The following PAPPA2 variants were observed in gnomAD, a reference collection of about 807,000 sequenced individuals.
PAPPA2 encodes the protein pappalysin-2.
PAPPA2 carries 86 observed loss-of-function variants against 176.4 expected under a neutral mutation model. That is an observed-to-expected ratio of 0.49 (90% confidence interval 0.41 to 0.58). PAPPA2 has a LOEUF of 0.58. Among genes scored for constraint, PAPPA2 ranks in the 20% least tolerant of loss-of-function variants. The pLI is 0.00. For synonymous variants in PAPPA2, 809 were observed against 852.2 expected (o/e 0.95, Z 0.88); for missense variants, 2,073 against 2,256.9 (o/e 0.92, Z 1.65).
chr1:176,620,865 T>G (rs1302084147), intron 3 of PAPPA2, among the ~76,000 whole-genome samples: 1 of 152,206 alleles, frequency 6.6e-6, no homozygotes, highest in African/African-American at 2.4e-5. Context: ...AGATAAATAT[T>G]ACTTGATTTC....
At position 176,721,884 on chromosome 1, in the gene PAPPA2, CT is replaced by C. The variant is rs922753760; in HGVS notation, c.3798+9910del. Among the ~76,000 whole-genome samples, 7 of 151,756 alleles carry C rather than the reference CT, an allele frequency of 4.6e-5. No individual in the cohort carries two copies. In the East Asian group the frequency reaches 5.8e-4, roughly 13 times the overall value. The stretch of plus-strand genomic sequence containing the variant: ...GTTGCCAAATATACATACATTACAC[CT>C]TTTTTTGTGTATCTTTTTAACTTTT... On this transcript the variant is annotated intron_variant, in intron 12 of 22. Coordinates refer to ENST00000367662, the MANE Select transcript of PAPPA2 (RefSeq NM_020318.3).
chr1:176,670,301 G>C (rs1002496922), intron 3 of PAPPA2, among the ~76,000 whole-genome samples: 5 of 152,112 alleles, frequency 3.3e-5, no homozygotes, highest in African/African-American at 7.2e-5. Context: ...ATTTCCTAGT[G>C]CTTTCAAAGT....
intron 1 of PAPPA2, among the ~76,000 whole-genome samples, chr1:176,466,838 A>C (rs1651643729): frequency 6.6e-6 from 1 of 152,170 alleles, no homozygotes; most frequent in African/African-American, 2.4e-5. Context: ...AGGGAGAAAA[A>C]GAGTTTCCAG....
intron 2 of PAPPA2, among the ~76,000 whole-genome samples, chr1:176,592,202 A>T (rs1242356781): frequency 6.6e-6 from 1 of 152,202 alleles, no homozygotes; most frequent in African/African-American, 2.4e-5. Context: ...AGTATGAACA[A>T]TGGTAACAAA....
intron 1 of PAPPA2, among the ~76,000 whole-genome samples, chr1:176,504,047 A>G (rs147091255): frequency 9.7e-4 from 147 of 152,246 alleles, no homozygotes; most frequent in African/African-American, 3.4e-3. Context: ...GGAAACTATG[A>G]AGAACTTCCT....
At chr1:176,711,609 G>T (rs879203553) in intron 11 of PAPPA2, among the ~76,000 whole-genome samples, 2 of 152,156 alleles carry the variant, frequency 1.3e-5, no homozygotes, top group Non-Finnish European at 2.9e-5. Context: ...CCCCTGGGCC[G>T]ATGATAAACG....
In PAPPA2 at chr1:176,692,166, C is replaced by G. The variant is rs773129615; in HGVS notation, c.2472C>G (p.Ala824=). ...ACAACTTCACTCCTAACCAAGTGGC[C>G]CGAATGCATTGCTATTTGGACCTAG... ...CTDNFTPNQV[A]RMHCYLDLVY... is the part of the protein sequence containing the mutation. Residue 824 remains alanine, a synonymous_variant, in exon 6 of 23, where the codon GCC becomes GCG. Coordinates refer to ENST00000367662, the MANE Select transcript of PAPPA2 (RefSeq NM_020318.3). 6.2e-7 allele frequency: 1 copy of G among 1,613,830 alleles called. No homozygotes were observed. The highest frequency in any genetic ancestry group is 1.3e-5 in the African/African-American group (1 of 74,868).
chr1:176,476,946 G>A (rs1652155687), intron 1 of PAPPA2, among the ~76,000 whole-genome samples: 2 of 152,124 alleles, frequency 1.3e-5, no homozygotes, highest in Admixed American at 1.3e-4. Context: ...ATGCCATGTT[G>A]GTGAGACACC....
chr1:176,531,344 G>T (rs1168518928), intron 1 of PAPPA2, among the ~76,000 whole-genome samples: 5 of 152,180 alleles, frequency 3.3e-5, no homozygotes, highest in African/African-American at 1.2e-4. Context: ...ACGACTTCCT[G>T]AACAAGGCTG....
At chr1:176,487,305 C>T (rs1347967104) in intron 1 of PAPPA2, among the ~76,000 whole-genome samples, 1 of 152,172 alleles carries the variant, frequency 6.6e-6, no homozygotes, top group Non-Finnish European at 1.5e-5. Flanking sequence ...CCTCCAGCAA[C>T]ATTCAGAAAG....
intron 3 of PAPPA2, among the ~76,000 whole-genome samples, chr1:176,668,400 G>C (rs1186939929): frequency 6.6e-6 from 1 of 152,134 alleles, no homozygotes. Flanking sequence ...ATTTATGTAT[G>C]GCATTCTAGC....
At chr1:176,650,629 A>C (rs926919723) in intron 3 of PAPPA2, among the ~76,000 whole-genome samples, 1 of 151,632 alleles carries the variant, frequency 6.6e-6, no homozygotes, top group East Asian at 2.0e-4. Context: ...TCATTGTTCA[A>C]TTCCCACCTT....
chr1:176,511,136 T>C (rs1430913970), intron 1 of PAPPA2, among the ~76,000 whole-genome samples: 2 of 152,062 alleles, frequency 1.3e-5, no homozygotes, highest in East Asian at 3.9e-4. Context: ...CTATAAAATG[T>C]GTACAGTAAA....
chr1:176,636,007 C>T (rs1323673314), intron 3 of PAPPA2, among the ~76,000 whole-genome samples: 3 of 152,054 alleles, frequency 2.0e-5, no homozygotes, highest in Non-Finnish European at 4.4e-5. Context: ...TGAAGTTTGT[C>T]ATCAATTCTG....
chr1:176,686,380 A>C (rs1410760407), intron 4 of PAPPA2, among the ~76,000 whole-genome samples: 1 of 152,156 alleles, frequency 6.6e-6, no homozygotes, highest in Non-Finnish European at 1.5e-5. Context: ...GACTTAACTC[A>C]TTGTCACGAG....
chr1:176,679,730 T>C (rs182566295), intron 4 of PAPPA2, among the ~76,000 whole-genome samples: 373 of 151,862 alleles, frequency 2.5e-3, no homozygotes, highest in African/African-American at 8.7e-3. Context: ...TATCAGGAAA[T>C]GAAACTTGAA....
intron 21 of PAPPA2, among the ~76,000 whole-genome samples, chr1:176,834,229 C>T (rs1242156138): frequency 1.3e-5 from 2 of 152,154 alleles, no homozygotes; most frequent in African/African-American, 2.4e-5. Context: ...TACCATAACT[C>T]AGAGAAGGGA....
At chr1:176,470,244 C>T (rs997829785) in intron 1 of PAPPA2, among the ~76,000 whole-genome samples, 6 of 152,202 alleles carry the variant, frequency 3.9e-5, no homozygotes, top group Non-Finnish European at 8.8e-5. Context: ...GAACTCTGGA[C>T]ATTGAGAATA....
intron 14 of PAPPA2, among the ~76,000 whole-genome samples, chr1:176,742,126 T>G (rs1167110165): frequency 6.6e-6 from 1 of 152,234 alleles, no homozygotes; most frequent in Non-Finnish European, 1.5e-5. Flanking sequence ...CATTGGGTGA[T>G]AACTATTTAT....
Sources: gnomAD v4.1 joint callset for allele counts (sites outside exome capture counted in the v4.1 genomes callset) on GRCh38, gnomAD v4.1.1 for gene constraint, MANE v1.5 for transcripts, NCBI Gene and HGNC (gene_info 2026-07-23, HGNC 2026-07-21) for gene names.